Variants in CACNA1C observed in about 807,000 individuals in gnomAD.
The protein encoded by CACNA1C is voltage-dependent L-type calcium channel subunit alpha-1C.
Under a neutral mutation model 229.0 loss-of-function variants are expected in CACNA1C, and 30 were observed. The observed-to-expected ratio is 0.13, with a 90% CI of 0.10 to 0.18. The LOEUF (loss-of-function observed/expected upper bound fraction) is 0.18, where lower values mean the gene tolerates loss of function less well. CACNA1C is among the 10% of genes least tolerant of loss of function. The probability of loss-of-function intolerance (pLI) is 1.00; values close to 1 mark genes in which losing one functional copy is unlikely to be tolerated. For synonymous variants in CACNA1C, 1,114 were observed against 1,132.5 expected, an observed-to-expected ratio of 0.98 and a Z score of 0.33; for missense variants, 1,658 against 2,845.0, an observed-to-expected ratio of 0.58 and a Z score of 9.49.
intron 3 of CACNA1C, among the ~76,000 whole-genome samples, chr12:2,409,399 G>T (rs1419674816): frequency 1.3e-5 from 2 of 152,172 alleles, no homozygotes; most frequent in Admixed American, 1.3e-4. Context: ...GTTCAGGCTA[G>T]TCAGCTCTGA....
At position 2,629,072 on chromosome 12, in the gene CACNA1C, A is replaced by G. The variant is rs1254885263; in HGVS notation, c.3829-5225A>G. Among the ~76,000 whole-genome samples the G allele has an allele frequency of 3.9e-5, 6 of 152,280 alleles. No individual in the cohort carries two copies. The South Asian group carries it at 1.0e-3, about 26-fold the overall frequency. On this transcript the variant is annotated intron_variant, in intron 29 of 46. Transcript: ENST00000399655. ...TGCAAGACATAGGACTGGTGCTTGT[A>G]TGGATAATAATCAGATTATGATTAC...
chr12:2,511,523 G>C (rs1568133138), intron 8 of CACNA1C, among the ~76,000 whole-genome samples: 1 of 152,134 alleles, frequency 6.6e-6, no homozygotes, highest in Non-Finnish European at 1.5e-5. Flanking sequence ...ATGGGTGAGA[G>C]AGGAAGACAT....
At chr12:2,091,189 T>A (rs2070726088) in intron 1 of CACNA1C, among the ~76,000 whole-genome samples, 1 of 152,170 alleles carries the variant, frequency 6.6e-6, no homozygotes, top group African/African-American at 2.4e-5. Flanking sequence ...CCTCTGCAAG[T>A]CCCAAAAGTA....
chr12:2,279,394 T>C (rs2090194687), intron 3 of CACNA1C, among the ~76,000 whole-genome samples: 1 of 152,258 alleles, frequency 6.6e-6, no homozygotes, highest in South Asian at 2.1e-4. Context: ...CATAGTTGTT[T>C]GGTTATTCTA....
Position 2,677,106 on chromosome 12 carries a change from C to CTCCATA in CACNA1C, c.4841_4842insTCCATA (p.Thr1614_Val1615insProTyr). ...CCATACGTCTCAGATGATGAGGTCA[C>CTCCATA]CGTTGGCAAGTTCTACGCCACGTTC... On this transcript the variant is annotated inframe_insertion, in exon 40 of 47. Coordinates refer to ENST00000399655, the MANE Select transcript of CACNA1C (RefSeq NM_000719.7). This position sits in a 1 kb window ranked among gnomAD's most constrained non-coding sequence, Gnocchi z 7.4. 6.2e-7 allele frequency: 1 copy of CTCCATA among 1,613,238 alleles called. No homozygotes were observed. The highest frequency in any genetic ancestry group is 8.5e-7 in the Non-Finnish European group (1 of 1,179,610).
At position 2,037,160 on chromosome 12, in the gene CACNA1C, C is replaced by T. The variant is rs148355807; in HGVS notation, c.139+65959C>T. Among the ~76,000 whole-genome samples, 137 of 152,292 alleles carry T rather than the reference C, an allele frequency of 9.0e-4. 1 individual carries two copies. Among genetic ancestry groups the T allele is most frequent in the Non-Finnish European group, 2.9e-4 (20 of 68,030 alleles). ...AAGCTCTCTGAGCATCCTGCCTCAT[C>T]TATACATAGGAGTAAACAGAGCTTC... On this transcript the variant is annotated intron_variant, in intron 1 of 46. Transcript: ENST00000682462.
intron 1 of CACNA1C, among the ~76,000 whole-genome samples, chr12:2,041,186 C>G (rs2050005664): frequency 6.6e-6 from 1 of 151,254 alleles, no homozygotes; most frequent in African/African-American, 2.4e-5. Flanking sequence ...AATTGAGTGA[C>G]TCTGTTGTGG....
At chr12:2,577,479 C>G (rs1033062187) in intron 13 of CACNA1C, among the ~76,000 whole-genome samples, 1 of 152,216 alleles carries the variant, frequency 6.6e-6, no homozygotes, top group African/African-American at 2.4e-5. Flanking sequence ...GATGCATGGT[C>G]TGGCAATGGA....
Position 2,695,352 on chromosome 12 carries a change from T to C in CACNA1C, c.*4153T>C, listed in dbSNP as rs2097831794. 6.6e-6 allele frequency: 1 copy of C among 152,336 alleles called. No homozygotes were observed. Among genetic ancestry groups the C allele is most frequent in the South Asian group, 2.1e-4 (1 of 4,832 alleles). 9.4% of individuals were successfully genotyped at this position (152,336 alleles called of 1,614,324 possible). A position where few individuals can be genotyped will look rare whatever the true frequency, so the allele number is the denominator to read the frequency against. On this transcript the variant is annotated 3_prime_UTR_variant, in exon 47 of 47. Transcript: ENST00000399655. ...GTACTCATTCCATCTGGGGGTGTTG[T>C]TCCAGCCACATCAGCCTACCTGGTG...
intron 1 of CACNA1C, among the ~76,000 whole-genome samples, chr12:1,976,271 A>G (rs909184180): frequency 7.9e-5 from 12 of 152,226 alleles, no homozygotes; most frequent in African/African-American, 2.7e-4. Flanking sequence ...GCAATGGTGC[A>G]TAATAAATAG....
chr12:2,226,125 G>GCGCACA (rs1181560271), intron 3 of CACNA1C, among the ~76,000 whole-genome samples: 20 of 142,770 alleles, frequency 1.4e-4, no homozygotes, highest in Non-Finnish European at 2.4e-4. Context: ...ATGGGGACGC[G>GCGCACA]CACACACACA....
intron 3 of CACNA1C, among the ~76,000 whole-genome samples, chr12:2,248,807 T>G (rs1432592627): frequency 6.6e-6 from 1 of 152,206 alleles, no homozygotes; most frequent in Non-Finnish European, 1.5e-5. Flanking sequence ...TAGGTTCTAT[T>G]ATGGCTCTAA....
At chr12:2,542,386 C>G (rs906860886) in intron 9 of CACNA1C, among the ~76,000 whole-genome samples, 6 of 152,164 alleles carry the variant, frequency 3.9e-5, no homozygotes, top group African/African-American at 1.4e-4. Context: ...GTCAAGAGAG[C>G]CATTCGTTTT....
Position 2,601,289 on chromosome 12 carries a change from T to A in CACNA1C, c.2854-565T>A, listed in dbSNP as rs1012244074. Among the ~76,000 whole-genome samples, 1 of 152,150 alleles carries A rather than the reference T, an allele frequency of 6.6e-6. No individual in the cohort carries two copies. Among genetic ancestry groups the A allele is most frequent in the Non-Finnish European group, 1.5e-5 (1 of 68,026 alleles). On this transcript the variant is annotated intron_variant, in intron 21 of 46. Transcript: ENST00000399655. The surrounding 1 kb of genome is among the most constrained non-coding windows in gnomAD (Gnocchi z 5.9). ...GCACCAGGGTGACCAGCTGGCCTAG[T>A]TTGCCTAAGACTGAGGAGTTTTCTG...
At chr12:2,621,386 G>A (rs184502383) in intron 29 of CACNA1C, among the ~76,000 whole-genome samples, 315 of 152,270 alleles carry the variant, frequency 2.1e-3, no homozygotes, top group Non-Finnish European at 3.6e-3. Flanking sequence ...CAAAGACCCC[G>A]AGGCAGGGGC....
At chr12:2,248,562 C>T (rs967687811) in intron 3 of CACNA1C, among the ~76,000 whole-genome samples, 3 of 152,208 alleles carry the variant, frequency 2.0e-5, no homozygotes, top group South Asian at 2.1e-4. Context: ...GCTGGAGAGG[C>T]GATGGCTGCA....
At chr12:2,122,184 G>T (rs765482681) in intron 3 of CACNA1C, among the ~76,000 whole-genome samples, 5 of 152,164 alleles carry the variant, frequency 3.3e-5, no homozygotes, top group Non-Finnish European at 5.9e-5. Flanking sequence ...TGAGGTGGGA[G>T]GGATGGCAGG....
Position 2,265,940 on chromosome 12 carries a change from C to A in CACNA1C, c.477+145510C>A, listed in dbSNP as rs571236989. On this transcript the variant is annotated intron_variant, in intron 3 of 46. Transcript: ENST00000399655. ...TTATTTATCTCAGCATCTCTGCCCC[C>A]CTGCGCTCCACGCTCCTATCCATGC... Among the ~76,000 whole-genome samples, 32 of 152,256 alleles carry A rather than the reference C, an allele frequency of 2.1e-4. 1 individual carries two copies. The highest frequency in any genetic ancestry group is 3.9e-4 in the East Asian group (2 of 5,194).
At position 2,504,579 on chromosome 12, in the gene CACNA1C, G is replaced by A. The variant is rs945661684; in HGVS notation, c.1114-263G>A. 6.5e-6 allele frequency: 8 copies of A among 1,235,158 alleles called. No individual in the cohort carries two copies. Among genetic ancestry groups the A allele is most frequent in the South Asian group, 1.2e-5 (1 of 83,444 alleles). 76.5% of individuals were successfully genotyped at this position (1,235,158 alleles called of 1,614,324 possible). A position where few individuals can be genotyped will look rare whatever the true frequency, so the allele number is the denominator to read the frequency against. Reference sequence around the variant, plus strand: ...TCTATGTCCTCTCCACAACGCAGCCGAGCAAGGTCTCAGGTTCCACTCCGT... The same window carrying A: ...TCTATGTCCTCTCCACAACGCAGCCAAGCAAGGTCTCAGGTTCCACTCCGT... On this transcript the variant is annotated intron_variant, in intron 7 of 46. Transcript: ENST00000399655. This position sits in a 1 kb window ranked among gnomAD's most constrained non-coding sequence, Gnocchi z 6.8.
Sources: gnomAD v4.1 joint callset for allele counts (sites outside exome capture counted in the v4.1 genomes callset) on GRCh38, gnomAD v4.1.1 for gene constraint, Gnocchi (gnomAD v3.1) non-coding constraint, MANE v1.5 for transcripts, NCBI Gene and HGNC (gene_info 2026-07-23, HGNC 2026-07-21) for gene names.